The following SUSD6 variants were observed in gnomAD, a reference collection of about 807,000 sequenced individuals.
SUSD6 encodes the protein sushi domain containing 6.
SUSD6 carries 16 observed loss-of-function variants against 28.4 expected under a neutral mutation model. The ratio of observed to expected loss-of-function variants is 0.56; its 90% CI spans 0.38 to 0.86. The LOEUF is 0.86. Ranked by LOEUF, SUSD6 falls within the 40% of genes least tolerant of loss-of-function variation. The probability of loss-of-function intolerance (pLI) is 0.00; values close to 1 mark genes in which losing one functional copy is unlikely to be tolerated. For missense variants in SUSD6, 341 were observed against 384.2 expected (o/e 0.89, Z 0.94); for synonymous variants, 147 against 159.6 (o/e 0.92, Z 0.59).
chr14:69,637,311 C>T (rs757302194), intron 1 of SUSD6, among the ~76,000 whole-genome samples: 12 of 152,074 alleles, frequency 7.9e-5, no homozygotes, highest in African/African-American at 2.2e-4. Flanking sequence ...ACCATATTAC[C>T]GTCTGTTTCC....
rs146048766 is a variant in SUSD6 at position 69,645,264 on chromosome 14, G to T, written c.-80-13249G>T. Among the ~76,000 whole-genome samples, 328 of 152,274 alleles carry T rather than the reference G, an allele frequency of 2.2e-3. 4 individuals are homozygous for T. The highest frequency in any genetic ancestry group is 7.7e-3 in the African/African-American group (319 of 41,544). ...CCTGAAACTCAGGGGAAAATACTCA[G>T]GTTAGTTTCTGACTAGAAAGGAGGG... On this transcript the variant is annotated intron_variant, in intron 1 of 5. Coordinates refer to ENST00000342745, the MANE Select transcript of SUSD6 (RefSeq NM_014734.4).
At chr14:69,669,126 C>T (rs1401740065) in intron 2 of SUSD6, among the ~76,000 whole-genome samples, 4 of 141,260 alleles carry the variant, frequency 2.8e-5, no homozygotes, top group South Asian at 2.2e-4. Flanking sequence ...TGCAGTGGCG[C>T]GATCTCGGCT....
intron 2 of SUSD6, among the ~76,000 whole-genome samples, chr14:69,677,575 T>C (rs1446794243): frequency 6.7e-6 from 1 of 150,366 alleles, no homozygotes; most frequent in Non-Finnish European, 1.5e-5. Flanking sequence ...AAAAGTGTTT[T>C]TACAGACCTG....
intron 2 of SUSD6, among the ~76,000 whole-genome samples, chr14:69,671,085 GAGA>G (rs1885824763): frequency 5.3e-5 from 8 of 152,250 alleles, no homozygotes; most frequent in Admixed American, 4.6e-4. Flanking sequence ...AGATAGGACT[GAGA>G]TGCTGCTAGT....
chr14:69,628,025 C>T (rs1251600310), intron 1 of SUSD6, among the ~76,000 whole-genome samples: 2 of 151,884 alleles, frequency 1.3e-5, no homozygotes, highest in Middle Eastern at 3.2e-3. Context: ...TCTTTGTCTC[C>T]TGGGTTCAAG....
Position 69,714,252 on chromosome 14 carries a change from G to GTA in SUSD6, c.*3276_*3277dup, listed in dbSNP as rs1159717163. On this transcript the variant is annotated 3_prime_UTR_variant, in exon 6 of 6. Transcript: ENST00000342745. Reference sequence around the variant, plus strand: ...AAGCCAGATGGCAATTCAGACAAAGGTATACTCTTCCTGCTTCATGGGTGG... The same window carrying GTA: ...AAGCCAGATGGCAATTCAGACAAAGGTATATACTCTTCCTGCTTCATGGGTGG... 2.6e-5 allele frequency: 4 copies of GTA among 152,238 alleles called. No individual in the cohort carries two copies. In the East Asian group the frequency reaches 5.8e-4, roughly 22 times the overall value. 9.4% of individuals were successfully genotyped at this position (152,238 alleles called of 1,614,324 possible). A position where few individuals can be genotyped will look rare whatever the true frequency, so the allele number is the denominator to read the frequency against.
chr14:69,612,069 G>A (rs1411277939), intron 1 of SUSD6, among the ~76,000 whole-genome samples: 3 of 150,598 alleles, frequency 2.0e-5, no homozygotes, highest in Non-Finnish European at 4.4e-5. Context: ...AGTGGGGGCT[G>A]CGCGGCCGGG....
intron 2 of SUSD6, among the ~76,000 whole-genome samples, chr14:69,690,306 T>G (rs568688020): frequency 3.3e-5 from 5 of 152,298 alleles, no homozygotes; most frequent in African/African-American, 9.6e-5. Flanking sequence ...TTGTTTTGTT[T>G]TACTAGAGCC....
chr14:69,707,009 TTA>T (rs1886396206), intron 4 of SUSD6, among the ~76,000 whole-genome samples: 1 of 148,290 alleles, frequency 6.7e-6, no homozygotes, highest in African/African-American at 2.6e-5. Context: ...CCTGGACTCT[TTA>T]AAAAAAAAAA....
intron 1 of SUSD6, 62 bp from the exon 2 acceptor site, chr14:69,658,451 G>A: frequency 1.3e-6 from 1 of 767,026 alleles, no homozygotes; most frequent in Non-Finnish European, 2.1e-6. Flanking sequence ...TTACCAAAGT[G>A]GCTGCTTTTA....
At chr14:69,689,061 C>T (rs149360157) in intron 2 of SUSD6, among the ~76,000 whole-genome samples, 47 of 152,220 alleles carry the variant, frequency 3.1e-4, no homozygotes, top group African/African-American at 1.1e-3. Flanking sequence ...CCTTTATGTC[C>T]CCCACCATGT....
At position 69,708,608 on chromosome 14, in the gene SUSD6, T is replaced by C. The variant is rs562172764; in HGVS notation, c.459-69T>C. The C allele has an allele frequency of 4.7e-5, 62 of 1,326,596 alleles. No individual in the cohort carries two copies. The African/African-American group carries it at 7.5e-4, about 16-fold the overall frequency. The allele number at this position is 1,326,596 out of a possible 1,614,324, so 82.2% of individuals were successfully genotyped here. ...TCAAAAATGGTGGCGGCTGCTATTATTATTATCATGCCTGTTTCTCTGTGT... is the reference window on the plus strand; with the variant it reads ...TCAAAAATGGTGGCGGCTGCTATTACTATTATCATGCCTGTTTCTCTGTGT... On this transcript the variant is annotated intron_variant, in intron 4 of 5. Transcript: ENST00000342745.
At chr14:69,628,720 T>G (rs1414271639) in intron 1 of SUSD6, among the ~76,000 whole-genome samples, 2 of 9,334 alleles carry the variant, frequency 2.1e-4, no homozygotes, top group East Asian at 2.0e-3. Context: ...CTGTGGTGGG[T>G]TTTTTTTTTT....
chr14:69,654,881 G>A (rs1158615860), intron 1 of SUSD6, among the ~76,000 whole-genome samples: 3 of 139,294 alleles, frequency 2.2e-5, no homozygotes, highest in African/African-American at 2.7e-5. Context: ...CACAACCTCC[G>A]CCTCCTGGGT....
intron 2 of SUSD6, among the ~76,000 whole-genome samples, chr14:69,663,197 G>T (rs1350332974): frequency 6.6e-6 from 1 of 152,288 alleles, no homozygotes; most frequent in East Asian, 1.9e-4. Flanking sequence ...CTCATAAAAA[G>T]TTTTTGTTTG....
chr14:69,677,476 G>A (rs1204726819), intron 2 of SUSD6, among the ~76,000 whole-genome samples: 1 of 152,054 alleles, frequency 6.6e-6, no homozygotes, highest in Non-Finnish European at 1.5e-5. Flanking sequence ...GAACCTGGGA[G>A]GCGGAGCTTC....
chr14:69,632,182 G>A (rs1009821031), intron 1 of SUSD6, among the ~76,000 whole-genome samples: 1 of 152,164 alleles, frequency 6.6e-6, no homozygotes, highest in African/African-American at 2.4e-5. Context: ...CAGGTTAATG[G>A]CAACCCTTCC....
chr14:69,635,550 A>G (rs1885251506), intron 1 of SUSD6, among the ~76,000 whole-genome samples: 1 of 151,694 alleles, frequency 6.6e-6, no homozygotes, highest in African/African-American at 2.4e-5. Context: ...TTTGGGTGGA[A>G]GAGAAGGAAG....
intron 2 of SUSD6, among the ~76,000 whole-genome samples, chr14:69,680,396 C>T (rs1885981124): frequency 6.6e-6 from 1 of 152,120 alleles, no homozygotes; most frequent in Non-Finnish European, 1.5e-5. Context: ...ACATCCAAGG[C>T]CCCATCATCT....
Sources: allele counts gnomAD v4.1 joint callset (sites outside exome capture counted in the v4.1 genomes callset), GRCh38; gene constraint gnomAD v4.1.1; transcripts MANE v1.5; gene names NCBI Gene and HGNC (gene_info 2026-07-23, HGNC 2026-07-21).